DDX46: variants seen among roughly 807,000 people sequenced by gnomAD.
DDX46 encodes DEAD-box helicase 46.
In DDX46, 30 loss-of-function variants were observed where a neutral mutation model predicts 134.9. The observed-to-expected ratio is 0.22, with a 90% CI of 0.17 to 0.30. The LOEUF (loss-of-function observed/expected upper bound fraction) is 0.30, where lower values mean the gene tolerates loss of function less well. Ranked by LOEUF, DDX46 falls within the 10% of genes least tolerant of loss-of-function variation. The pLI is 1.00. For missense variants in DDX46, 622 were observed against 1,248.7 expected, an observed-to-expected ratio of 0.50 and a Z score of 7.56; for synonymous variants, 415 against 404.1, an observed-to-expected ratio of 1.03 and a Z score of -0.32.
chr5:134,804,987 A>T (rs935002535), intron 15 of DDX46: 19 of 381,080 alleles, frequency 5.0e-5, no homozygotes, highest in Admixed American at 1.1e-4. Context: ...GCATGGGCAC[A>T]TGCCACCTGC....
At chr5:134,767,683 G>T (rs1753619419) in intron 3 of DDX46, among the ~76,000 whole-genome samples, 1 of 151,638 alleles carries the variant, frequency 6.6e-6, no homozygotes, top group Admixed American at 6.5e-5. Flanking sequence ...AGGCGCGGTG[G>T]CTGACGCCTG....
At chr5:134,783,612 C>T (rs112166869) in intron 9 of DDX46, among the ~76,000 whole-genome samples, 1 of 118,088 alleles carries the variant, frequency 8.5e-6, no homozygotes, top group African/African-American at 3.3e-5. Flanking sequence ...TGCTGTGGCT[C>T]GATCTTGGCT....
At chr5:134,766,225 C>T (rs566673366) in intron 2 of DDX46, among the ~76,000 whole-genome samples, 3 of 152,138 alleles carry the variant, frequency 2.0e-5, no homozygotes, top group Non-Finnish European at 4.4e-5. Flanking sequence ...ATGTTAATTA[C>T]AGACTTATTA....
chr5:134,782,988 A>G lies in DDX46; in HGVS notation c.1089A>G (p.Lys363=). The G allele has an allele frequency of 6.2e-7, 1 of 1,613,910 alleles. No homozygotes were observed. Among genetic ancestry groups the G allele is most frequent in the Non-Finnish European group, 8.5e-7 (1 of 1,179,838 alleles). ...FRLEMEGITV[K]GKGCPKPIKS... ...TGGAAATGGAGGGCATTACAGTTAA[A>G]GGAAAAGGTTGCCCCAAACCAATTA... Residue 363 remains lysine (K), a synonymous_variant, in exon 9 of 23, where the codon AAA becomes AAG. Coordinates refer to ENST00000452510, the MANE Select transcript of DDX46 (RefSeq NM_001300860.2).
chr5:134,782,539 C>T (rs1235156870), intron 8 of DDX46, among the ~76,000 whole-genome samples: 1 of 151,542 alleles, frequency 6.6e-6, no homozygotes, highest in East Asian at 1.9e-4. Context: ...GAGACAGGGT[C>T]TCACTCCATT....
At chr5:134,805,066 A>T in intron 15 of DDX46, 1 of 326,234 alleles carries the variant, frequency 3.1e-6, no homozygotes, top group Non-Finnish European at 6.1e-6. Flanking sequence ...ATTCCAGACA[A>T]CCTAGTTTTG....
At position 134,763,939 on chromosome 5, in the gene DDX46, C is replaced by T. The variant is rs903392825; in HGVS notation, c.53C>T (p.Ser18Phe). ...AAACGATCGGCATCCCGGGGTCGCT[C>T]TGGAAGTCGGTCTAGAAGTCGCTCA... ...YRKRSASRGR[S>F]GSRSRSRSPS... Residue 18 changes from serine (S) to phenylalanine (F), a missense_variant, in exon 2 of 23, where the codon TCT (serine) becomes TTT (phenylalanine). Coordinates refer to ENST00000452510, the MANE Select transcript of DDX46 (RefSeq NM_001300860.2). The T allele has an allele frequency of 6.2e-7, 1 of 1,614,148 alleles. No individual in the cohort carries two copies. The highest frequency in any genetic ancestry group is 8.5e-7 in the Non-Finnish European group (1 of 1,180,024).
intron 15 of DDX46, among the ~76,000 whole-genome samples, chr5:134,796,579 A>G (rs403005): frequency 0.61 from 93,015 of 152,118 alleles, 28,770 homozygotes; most frequent in East Asian, 0.77. Flanking sequence ...CAGACCGGGC[A>G]TGGTAGCTCA....
chr5:134,777,448 C>A, intron 5 of DDX46, 126 bp from the exon 6 acceptor site: 2 of 1,009,892 alleles, frequency 2.0e-6, no homozygotes, highest in South Asian at 1.6e-5. Flanking sequence ...TGATGGATGG[C>A]TGGAGTAATT....
chr5:134,790,683 G>T, intron 13 of DDX46, 131 bp downstream of exon 13: 1 of 721,250 alleles, frequency 1.4e-6, no homozygotes, highest in Non-Finnish European at 2.3e-6. Flanking sequence ...CAGAAGACTG[G>T]GGACATACAG....
In DDX46 at chr5:134,811,439, AT is replaced by A. The variant is rs1755138876; in HGVS notation, c.2286+84del. 2.0e-6 allele frequency: 3 copies of A among 1,523,710 alleles called. No individual in the cohort carries two copies. The African/African-American group carries it at 4.2e-5, about 21-fold the overall frequency. 94.4% of individuals were successfully genotyped at this position (1,523,710 alleles called of 1,614,324 possible). On this transcript the variant is annotated intron_variant, in intron 17 of 22. Coordinates refer to ENST00000452510, the MANE Select transcript of DDX46 (RefSeq NM_001300860.2). ...ATTATTTAATTCTTGGAAATCTTTTATTTAACACTTGAAAATTTTGCTACGA... is the reference window on the plus strand; with the variant it reads ...ATTATTTAATTCTTGGAAATCTTTTATTAACACTTGAAAATTTTGCTACGA...
intron 11 of DDX46, among the ~76,000 whole-genome samples, chr5:134,787,955 G>C (rs1282366406): frequency 2.0e-5 from 3 of 150,836 alleles, no homozygotes; most frequent in African/African-American, 4.9e-5. Context: ...CAGGATCTAG[G>C]CTGCAATGAC....
intron 21 of DDX46, 76 bp from the exon 22 acceptor site, chr5:134,826,870 TC>T: frequency 6.9e-7 from 1 of 1,439,438 alleles, no homozygotes; most frequent in African/African-American, 1.4e-5. Context: ...CAGTGTTTCT[TC>T]CTGGACCTCC....
intron 18 of DDX46, among the ~76,000 whole-genome samples, chr5:134,815,599 C>T (rs1259338506): frequency 6.9e-6 from 1 of 145,768 alleles, no homozygotes; most frequent in Non-Finnish European, 1.5e-5. Context: ...CCCAGCTACT[C>T]AGGAGGCTGA....
At position 134,784,428 on chromosome 5, in the gene DDX46, G is replaced by A. The variant is rs1754269043; in HGVS notation, c.1229G>A (p.Arg410Gln). ...TQAIPAIMSG[R>Q]DLIGIAKTGS... ...GCTATTCCTGCTATAATGTCTGGAC[G>A]AGATTTGATTGGCATTGCCAAAACA... is the stretch of plus-strand genomic sequence containing the variant. The change falls in exon 10 of 23, where the codon CGA (arginine) becomes CAA (glutamine). Residue 410 changes from arginine (R) to glutamine (Q), a missense_variant. Coordinates refer to ENST00000452510, the MANE Select transcript of DDX46 (RefSeq NM_001300860.2). 6.2e-7 allele frequency: 1 copy of A among 1,613,934 alleles called. No individual in the cohort carries two copies. The highest frequency in any genetic ancestry group is 1.3e-5 in the African/African-American group (1 of 74,916).
intron 5 of DDX46, among the ~76,000 whole-genome samples, chr5:134,775,250 G>A (rs999593742): frequency 1.3e-5 from 2 of 152,216 alleles, no homozygotes; most frequent in Non-Finnish European, 2.9e-5. Context: ...CACTGTGCCT[G>A]GCTGCTGATA....
At chr5:134,788,399 T>G in intron 11 of DDX46, 114 bp from the exon 12 acceptor site, 2 of 758,126 alleles carry the variant, frequency 2.6e-6, no homozygotes, top group South Asian at 4.2e-5. Flanking sequence ...TCAAAATAAT[T>G]AAGCAGGAAG....
rs1257458476 is a variant in DDX46, at chr5:134,830,606, T to C, written c.*1900T>C. 1.3e-5 allele frequency: 2 copies of C among 152,358 alleles called. No individual in the cohort carries two copies. Among genetic ancestry groups the C allele is most frequent in the African/African-American group, 4.8e-5 (2 of 41,470 alleles). The allele number at this position is 152,358 out of a possible 1,614,324, so 9.4% of individuals were successfully genotyped here. On this transcript the variant is annotated 3_prime_UTR_variant, in exon 23 of 23. Coordinates refer to ENST00000452510, the MANE Select transcript of DDX46 (RefSeq NM_001300860.2). The stretch of plus-strand genomic sequence containing the variant: ...GGAGTATTAATCATTATTTCTTCAG[T>C]ATAAAGTTATTCTTCCTGAAAAAGT...
intron 13 of DDX46, 98 bp downstream of exon 13, chr5:134,790,650 C>G: frequency 9.7e-7 from 1 of 1,033,272 alleles, no homozygotes; most frequent in Non-Finnish European, 1.4e-6. Context: ...TTCACACACA[C>G]ACTTTTCTGT....
Sources: allele counts gnomAD v4.1 joint callset (sites outside exome capture counted in the v4.1 genomes callset), GRCh38; gene constraint gnomAD v4.1.1; transcripts MANE v1.5; gene names NCBI Gene and HGNC (gene_info 2026-07-23, HGNC 2026-07-21).